Variants in SYT14 observed in about 807,000 individuals in gnomAD.
The protein encoded by SYT14 is synaptotagmin 14.
A neutral mutation model predicts 74.2 loss-of-function variants in SYT14; 32 were observed. That is an observed-to-expected ratio of 0.43 (90% CI 0.33 to 0.58). The LOEUF (loss-of-function observed/expected upper bound fraction) is 0.58, where lower values mean the gene tolerates loss of function less well. Ranked by LOEUF, SYT14 falls within the 20% of genes least tolerant of loss-of-function variation. The probability of loss-of-function intolerance (pLI) is 0.05; values close to 1 mark genes in which losing one functional copy is unlikely to be tolerated. For missense variants in SYT14, 791 were observed against 981.8 expected, an observed-to-expected ratio of 0.81 and a Z score of 2.60; for synonymous variants, 298 against 337.7, an observed-to-expected ratio of 0.88 and a Z score of 1.29.
intron 5 of SYT14, among the ~76,000 whole-genome samples, chr1:210,091,476 C>T (rs1558183083): frequency 6.6e-6 from 1 of 152,096 alleles, no homozygotes; most frequent in Non-Finnish European, 1.5e-5. Flanking sequence ...ATTGCTTGAG[C>T]CCAGGAATTC....
exon 7 of SYT14, chr1:210,100,167 T>C: frequency 6.2e-7 from 1 of 1,614,000 alleles, no homozygotes; most frequent in Non-Finnish European, 8.5e-7. Context: ...TCCCAACATA[T>C]AACAGGACAG....
At chr1:210,098,944 T>C (rs2082012755) in intron 6 of SYT14, among the ~76,000 whole-genome samples, 1 of 152,142 alleles carries the variant, frequency 6.6e-6, no homozygotes, top group African/African-American at 2.4e-5. Flanking sequence ...TCTGCCTGCC[T>C]CAGCTCCCCA....
At chr1:210,012,921 C>G (rs2080112716) in intron 2 of SYT14, among the ~76,000 whole-genome samples, 1 of 151,614 alleles carries the variant, frequency 6.6e-6, no homozygotes, top group Admixed American at 6.6e-5. Context: ...AGGCTGGTCT[C>G]AAACTCCTGA....
chr1:210,112,539 G>A (rs189677042), intron 7 of SYT14, among the ~76,000 whole-genome samples: 2 of 151,380 alleles, frequency 1.3e-5, no homozygotes, highest in Admixed American at 1.3e-4. Flanking sequence ...GTTGTAGTGG[G>A]GGAGTATTTG....
chr1:209,945,885 G>GT (rs2078814846), intron 1 of SYT14, among the ~76,000 whole-genome samples: 1 of 152,058 alleles, frequency 6.6e-6, no homozygotes, highest in East Asian at 1.9e-4. Flanking sequence ...GAAAGTTTGT[G>GT]GCAACTCTGT....
exon 10 of SYT14, chr1:210,163,287 T>A (rs2083409717): frequency 4.4e-6 from 2 of 453,614 alleles, no homozygotes; most frequent in Admixed American, 4.7e-5. Flanking sequence ...TTCCCAGAAT[T>A]GTGTGTGTGA....
chr1:210,025,677 G>T (rs1308055257), intron 5 of SYT14, among the ~76,000 whole-genome samples: 1 of 152,024 alleles, frequency 6.6e-6, no homozygotes, highest in Non-Finnish European at 1.5e-5. Context: ...CAGTGCAAGA[G>T]AACTTTTACC....
At chr1:209,942,119 T>C (rs1023192618) in intron 1 of SYT14, among the ~76,000 whole-genome samples, 2 of 152,194 alleles carry the variant, frequency 1.3e-5, no homozygotes, top group African/African-American at 4.8e-5. Context: ...AATTGTATTT[T>C]GTATGATCTC....
At chr1:209,957,926 TTTCTC>T (rs1264378473) in intron 2 of SYT14, among the ~76,000 whole-genome samples, 1 of 152,086 alleles carries the variant, frequency 6.6e-6, no homozygotes. Flanking sequence ...TTTTCATTCT[TTTCTC>T]TTTCTCCCCC....
At chr1:210,013,601 A>AT (rs1178701619) in intron 2 of SYT14, 32 bp from the exon 3 acceptor site, 1 of 1,597,416 alleles carries the variant, frequency 6.3e-7, no homozygotes. Flanking sequence ...AGAAAAATAA[A>AT]TGCTTACAGC....
At position 210,085,601 on chromosome 1, in the gene SYT14, T is replaced by C. The variant is rs146579066; in HGVS notation, c.1313-8721T>C. 3.7e-3 allele frequency among the ~76,000 whole-genome samples: 562 copies of C among 152,378 alleles called. 6 individuals are homozygous for C. Among genetic ancestry groups the C allele is most frequent in the African/African-American group, 0.012 (514 of 41,598 alleles). On this transcript the variant is annotated intron_variant, in intron 5 of 9. Coordinates refer to ENST00000637265, the Ensembl canonical transcript of SYT14. ...TGAATGGATAATGAATTTTATCAAA[T>C]GCTTTTAGTAAGTCTTTTACAATTA...
intron 5 of SYT14, among the ~76,000 whole-genome samples, chr1:210,046,987 A>G (rs917650466): frequency 6.6e-6 from 1 of 152,196 alleles, no homozygotes; most frequent in Non-Finnish European, 1.5e-5. Context: ...CTACTAAGTG[A>G]TGGACCCAGA....
intron 7 of SYT14, among the ~76,000 whole-genome samples, chr1:210,125,327 G>A (rs1199425363): frequency 1.3e-5 from 2 of 149,982 alleles, no homozygotes; most frequent in African/African-American, 4.9e-5. Flanking sequence ...TTCTGTTTCT[G>A]CGCTAATTCA....
intron 2 of SYT14, among the ~76,000 whole-genome samples, chr1:209,994,074 G>A (rs1485163715): frequency 1.3e-5 from 2 of 152,100 alleles, no homozygotes; most frequent in African/African-American, 4.8e-5. Context: ...TAGAACTCTG[G>A]CAATTCAAAA....
intron 5 of SYT14, among the ~76,000 whole-genome samples, chr1:210,055,216 T>C (rs1365958713): frequency 6.6e-6 from 1 of 152,234 alleles, no homozygotes; most frequent in African/African-American, 2.4e-5. Context: ...TAATAAACTT[T>C]TCAGAGTCTT....
At chr1:210,000,683 C>T (rs1253277851) in intron 2 of SYT14, among the ~76,000 whole-genome samples, 8 of 141,382 alleles carry the variant, frequency 5.7e-5, no homozygotes, top group Non-Finnish European at 7.5e-5. Flanking sequence ...GGTGCGATCT[C>T]GGCTCACTGC....
intron 8 of SYT14, among the ~76,000 whole-genome samples, chr1:210,157,118 C>T (rs961990068): frequency 6.6e-6 from 1 of 151,978 alleles, no homozygotes; most frequent in Admixed American, 6.6e-5. Context: ...TTACTTAATG[C>T]CATGTTTTAT....
chr1:210,075,146 GTCCAGCCAAACTTGGCCTTA>G (rs936429864), intron 5 of SYT14, among the ~76,000 whole-genome samples: 2 of 152,090 alleles, frequency 1.3e-5, no homozygotes, highest in African/African-American at 2.4e-5. Flanking sequence ...ACTTGGCCTC[GTCCAGCCAAACTTGGCCTTA>G]TCCAGCCAGT....
intron 2 of SYT14, among the ~76,000 whole-genome samples, chr1:209,977,811 G>A (rs1019542438): frequency 6.6e-6 from 1 of 152,128 alleles, no homozygotes; most frequent in Non-Finnish European, 1.5e-5. Context: ...TTTCCAACTT[G>A]GTTCCATTCT....
Sources: allele counts gnomAD v4.1 joint callset (sites outside exome capture counted in the v4.1 genomes callset), GRCh38; gene constraint gnomAD v4.1.1; transcripts MANE v1.5; gene names NCBI Gene and HGNC (gene_info 2026-07-23, HGNC 2026-07-21).